Variants in ABCB8 observed in about 807,000 individuals in gnomAD.
ABCB8 encodes the protein mitochondrial potassium channel ATP-binding subunit.
ABCB8 carries 52 observed loss-of-function variants against 73.0 expected under a neutral mutation model. That is an observed-to-expected ratio of 0.71 (90% CI 0.57 to 0.90). The LOEUF (loss-of-function observed/expected upper bound fraction) is 0.90, where lower values mean the gene tolerates loss of function less well. ABCB8 is among the 40% of genes least tolerant of loss of function. The probability of loss-of-function intolerance (pLI) is 0.00; values close to 1 mark genes in which losing one functional copy is unlikely to be tolerated. For missense variants in ABCB8, 909 were observed against 974.6 expected (o/e 0.93, Z 0.90); for synonymous variants, 428 against 423.5 (o/e 1.01, Z -0.13).
intron 1 of ABCB8, chr7:151,033,065 A>G (rs1474208812): frequency 4.4e-6 from 2 of 456,524 alleles, no homozygotes; most frequent in East Asian, 1.4e-4. Context: ...CTGTCAGGTG[A>G]GAATAATGGC....
chr7:151,034,707 T>G lies in ABCB8; in HGVS notation c.660-17T>G. On this transcript the variant is annotated splice_polypyrimidine_tract_variant and intron_variant, in intron 4 of 15. Coordinates refer to ENST00000358849, the MANE Select transcript of ABCB8 (RefSeq NM_007188.5). ...CTCCCTCTTCTGCCCTCCTTATTGG[T>G]TCTTGTCCCATGCCAGACAAGACAT... 6.2e-7 allele frequency: 1 copy of G among 1,613,310 alleles called. No individual in the cohort carries two copies. Among genetic ancestry groups the G allele is most frequent in the Non-Finnish European group, 8.5e-7 (1 of 1,179,334 alleles).
intron 5 of ABCB8, 96 bp from the exon 6 acceptor site, chr7:151,035,485 G>C (rs1299866396): frequency 2.8e-6 from 4 of 1,409,286 alleles, no homozygotes; most frequent in Admixed American, 2.2e-5. Flanking sequence ...GGCCTTGGCC[G>C]TGGGAGTGCA....
Position 151,036,083 on chromosome 7 carries a change from G to A in ABCB8, c.1024G>A (p.Ala342Thr). 1 of 1,613,086 alleles carries A rather than the reference G, an allele frequency of 6.2e-7. No homozygotes were observed. Among genetic ancestry groups the A allele is most frequent in the Non-Finnish European group, 8.5e-7 (1 of 1,179,944 alleles). The change falls in exon 8 of 16, where the codon GCA (alanine) becomes ACA (threonine). Residue 342 changes from alanine to threonine, a missense_variant. By Grantham distance (58) the Ala-to-Thr change is moderately conservative. Transcript: ENST00000358849. ...GGTCTCTCTCACCAGGCGCTATGGGGCAGAGCTGGAAGCCTGCCGCTGCCG... is the reference window on the plus strand; with the variant it reads ...GGTCTCTCTCACCAGGCGCTATGGGACAGAGCTGGAAGCCTGCCGCTGCCG... ...MEQREEERYG[A>T]ELEACRCRAE...
Position 151,040,280 on chromosome 7 carries a change from C to T in ABCB8, c.1230C>T (p.Asn410=), listed in dbSNP as rs1371850775. Residue 410 remains asparagine (N), a synonymous_variant, in exon 10 of 16, where the codon AAC becomes AAT. Transcript: ENST00000358849. ...CTTTTTCTGACAGGTCCATGGCCAACCTCTCTGTCCTGTTTGGGCAGGTGA... is the reference window on the plus strand; with the variant it reads ...CTTTTTCTGACAGGTCCATGGCCAATCTCTCTGTCCTGTTTGGGCAGGTGA... ...ASQTVQRSMA[N]LSVLFGQVVR... The T allele has an allele frequency of 3.7e-6, 6 of 1,613,108 alleles. No individual in the cohort carries two copies. In the African/African-American group the frequency reaches 6.7e-5, roughly 18 times the overall value.
At chr7:151,034,475 C>T (rs1184514227) in intron 3 of ABCB8, 30 bp from the exon 4 acceptor site, 11 of 1,613,694 alleles carry the variant, frequency 6.8e-6, no homozygotes, top group African/African-American at 1.3e-5. Flanking sequence ...CCACCCGAGG[C>T]ATCCCTGAGT....
rs529202338 is a variant in ABCB8, at chr7:151,046,661, C to T, written c.*1312C>T. The T allele has an allele frequency of 1.3e-5, 2 of 152,428 alleles. No individual in the cohort carries two copies. Among genetic ancestry groups the T allele is most frequent in the African/African-American group, 4.8e-5 (2 of 41,576 alleles). 9.4% of individuals were successfully genotyped at this position (152,428 alleles called of 1,614,324 possible). On this transcript the variant is annotated 3_prime_UTR_variant, in exon 16 of 16. Coordinates refer to ENST00000358849, the MANE Select transcript of ABCB8 (RefSeq NM_007188.5). ...AGAAGAGGTGGTACCTGCAATGCACCTTCACAGCCAGGCAAGCATTCTGGA... is the reference window on the plus strand; with the variant it reads ...AGAAGAGGTGGTACCTGCAATGCACTTTCACAGCCAGGCAAGCATTCTGGA...
intron 5 of ABCB8, 144 bp from the exon 6 acceptor site, chr7:151,035,436 CG>C: frequency 1.1e-6 from 1 of 928,704 alleles, no homozygotes; most frequent in Non-Finnish European, 1.6e-6. Context: ...GTACTGTGAC[CG>C]GTGGACTGCC....
chr7:151,035,323 C>T (rs1796273070), intron 5 of ABCB8, among the ~76,000 whole-genome samples: 1 of 152,192 alleles, frequency 6.6e-6, no homozygotes, highest in African/African-American at 2.4e-5. Context: ...GAAAGAGAAG[C>T]AAGCTGGGAT....
At position 151,041,214 on chromosome 7, in the gene ABCB8, T is replaced by A. The variant is rs779166533; in HGVS notation, c.1599T>A (p.Val533=). 5.6e-6 allele frequency: 9 copies of A among 1,602,864 alleles called. No individual in the cohort carries two copies. Among genetic ancestry groups the A allele is most frequent in the Non-Finnish European group, 7.6e-6 (9 of 1,178,526 alleles). The change falls in exon 13 of 16, where the codon GTT becomes GTA. Residue 533 remains valine, a synonymous_variant. Coordinates refer to ENST00000358849, the MANE Select transcript of ABCB8 (RefSeq NM_007188.5). ...TLDPSWLRGQ[V]VGFISQEPVL... is the part of the protein sequence containing the mutation. Reference sequence around the variant, plus strand: ...ACCCCTCCTGGCTCCGGGGCCAGGTTGTCGGCTTCATCAGCCAGGTGCGGG... The same window carrying A: ...ACCCCTCCTGGCTCCGGGGCCAGGTAGTCGGCTTCATCAGCCAGGTGCGGG...
chr7:151,031,824 T>A (rs1796172502), intron 1 of ABCB8, among the ~76,000 whole-genome samples: 1 of 152,138 alleles, frequency 6.6e-6, no homozygotes, highest in Non-Finnish European at 1.5e-5. Flanking sequence ...GGTTTCAACA[T>A]GTTGATCTAG....
chr7:151,043,827 G>A lies in ABCB8; in HGVS notation c.1766-144G>A, dbSNP rs1796540465. On this transcript the variant is annotated intron_variant, in intron 14 of 15. Coordinates refer to ENST00000358849, the MANE Select transcript of ABCB8 (RefSeq NM_007188.5). Reference sequence around the variant, plus strand: ...GAGGAGGATGCACAGTGCGGGGTGGGGGTCAGAGGCAGGAGGAGGGTGCAC... The same window carrying A: ...GAGGAGGATGCACAGTGCGGGGTGGAGGTCAGAGGCAGGAGGAGGGTGCAC... 2.0e-5 allele frequency: 24 copies of A among 1,170,776 alleles called. No homozygotes were observed. In the South Asian group the frequency reaches 3.4e-4, roughly 16 times the overall value. 72.5% of individuals were successfully genotyped at this position (1,170,776 alleles called of 1,614,324 possible).
At chr7:151,031,137 A>G in intron 1 of ABCB8, 1 of 734,200 alleles carries the variant, frequency 1.4e-6, no homozygotes, top group Middle Eastern at 2.4e-4. Flanking sequence ...CTGCACCTCT[A>G]ATGAGGGCAT....
intron 6 of ABCB8, 68 bp from the exon 7 acceptor site, chr7:151,035,814 C>G: frequency 6.2e-7 from 1 of 1,610,056 alleles, no homozygotes; most frequent in Non-Finnish European, 8.5e-7. Flanking sequence ...GAACTCCTCC[C>G]TGTCCCCATC....
At position 151,028,496 on chromosome 7, in the gene ABCB8, T is replaced by C. The variant is rs377702674; in HGVS notation, c.-20T>C. ...GGGTGAAACTGCTATTGCCGGCGGC[T>C]CCTGTTTTACCGCGTCAGCATGCTG... On this transcript the variant is annotated 5_prime_UTR_variant, in exon 1 of 16. Coordinates refer to ENST00000358849, the MANE Select transcript of ABCB8 (RefSeq NM_007188.5). The C allele has an allele frequency of 5.6e-6, 9 of 1,608,338 alleles. No homozygotes were observed. The African/African-American group carries it at 9.4e-5, about 17-fold the overall frequency.
chr7:151,040,503 C>G lies in ABCB8; in HGVS notation c.1257C>G (p.Val419=), dbSNP rs1378346170. The G allele has an allele frequency of 3.1e-6, 5 of 1,611,032 alleles. No homozygotes were observed. Among genetic ancestry groups the G allele is most frequent in the Non-Finnish European group, 3.4e-6 (4 of 1,178,194 alleles). ...CTTTGGATCCCCTCCCACAGGTGGT[C>G]CGGGGGCTGAGTGCAGGTGCCCGGG... ...ANLSVLFGQV[V]RGLSAGARVF... The change falls in exon 11 of 16, where the codon GTC becomes GTG. Residue 419 remains valine, a synonymous_variant. Transcript: ENST00000358849.
Position 151,036,137 on chromosome 7 carries a change from T to C in ABCB8, c.1078T>C (p.Leu360=). 1 of 1,613,258 alleles carries C rather than the reference T, an allele frequency of 6.2e-7. No homozygotes were observed. The highest frequency in any genetic ancestry group is 8.5e-7 in the Non-Finnish European group (1 of 1,179,814). The part of the protein sequence containing the change: ...RAEELGRGIA[L]FQGLSNIAFN... ...AGAGGAGCTGGGCCGCGGCATCGCCTTGTTCCAAGGGCTTTCCAACATCGC... is the reference window on the plus strand; with the variant it reads ...AGAGGAGCTGGGCCGCGGCATCGCCCTGTTCCAAGGGCTTTCCAACATCGC... Residue 360 remains leucine (L), a synonymous_variant, in exon 8 of 16, where the codon TTG becomes CTG. Transcript: ENST00000358849.
At position 151,047,363 on chromosome 7, in the gene ABCB8, T is replaced by G. The variant is rs1796640370; in HGVS notation, c.*2014T>G. ...TGTGCTTGATGCTGAATGCCTGTTT[T>G]GAGAGTGTGAGTGGGATCATCTACA... On this transcript the variant is annotated 3_prime_UTR_variant, in exon 16 of 16. Coordinates refer to ENST00000358849, the MANE Select transcript of ABCB8 (RefSeq NM_007188.5). 1 of 152,242 alleles carries G rather than the reference T, an allele frequency of 6.6e-6. No homozygotes were observed. Among genetic ancestry groups the G allele is most frequent in the African/African-American group, 2.4e-5 (1 of 41,444 alleles). The allele number at this position is 152,242 out of a possible 1,614,324, so 9.4% of individuals were successfully genotyped here. A position where few individuals can be genotyped will look rare whatever the true frequency, so the allele number is the denominator to read the frequency against.
rs532957161 is a variant in ABCB8 at position 151,040,919 on chromosome 7, G to A, written c.1480G>A (p.Gly494Arg). The A allele has an allele frequency of 3.5e-5, 56 of 1,601,190 alleles. No homozygotes were observed. Among genetic ancestry groups the A allele is most frequent in the African/African-American group, 1.1e-4 (8 of 74,814 alleles). Reference protein sequence around the residue: ...KIVALVGQSGGGKTTVASLLE... With the variant: ...KIVALVGQSGRGKTTVASLLE... ...CGTGGCCCTCGTGGGCCAGTCTGGC[G>A]GAGGTAAGGGGAGCCCACCACCTCT... The change falls in exon 12 of 16, where the codon GGA (glycine) becomes AGA (arginine). Residue 494 changes from glycine (G) to arginine (R), a missense_variant. Physicochemically the swap from Gly to Arg is moderately radical, Grantham distance 125 (BLOSUM62 -2). Coordinates refer to ENST00000358849, the MANE Select transcript of ABCB8 (RefSeq NM_007188.5).
At chr7:151,037,026 G>T in intron 9 of ABCB8, 1 of 686,100 alleles carries the variant, frequency 1.5e-6, no homozygotes, top group Admixed American at 2.0e-5. Flanking sequence ...ACATTGCTGT[G>T]CGGCTGTTGT....
Sources: allele counts gnomAD v4.1 joint callset (sites outside exome capture counted in the v4.1 genomes callset), GRCh38; gene constraint gnomAD v4.1.1; transcripts MANE v1.5; gene names NCBI Gene and HGNC (gene_info 2026-07-23, HGNC 2026-07-21).